SLX4IP: variants seen among roughly 807,000 people sequenced by gnomAD.
SLX4IP encodes SLX4 interacting protein, also known as protein SLX4IP.
Under a neutral mutation model 32.9 loss-of-function variants are expected in SLX4IP, and 34 were observed. That is an observed-to-expected ratio of 1.03 (90% CI 0.79 to 1.38). SLX4IP has a LOEUF of 1.38. Ranked by LOEUF, SLX4IP falls within the 40% of genes most tolerant of loss-of-function variation. SLX4IP has a pLI of 0.00. For missense variants in SLX4IP, 444 were observed against 479.0 expected (o/e 0.93, Z 0.68); for synonymous variants, 172 against 171.7 (o/e 1.00, Z -0.01).
At chr20:10,532,170 G>C (rs540365659) in intron 2 of SLX4IP, among the ~76,000 whole-genome samples, 3 of 152,062 alleles carry the variant, frequency 2.0e-5, no homozygotes, top group Non-Finnish European at 4.4e-5. Context: ...ATCCACGGTG[G>C]TATGGGAAAA....
intron 1 of SLX4IP, among the ~76,000 whole-genome samples, chr20:10,447,339 T>G (rs2090740192): frequency 6.6e-6 from 1 of 152,230 alleles, no homozygotes; most frequent in South Asian, 2.1e-4. Context: ...TCTTTTGTTT[T>G]TTTCTTCCTT....
intron 6 of SLX4IP, chr20:10,613,205 A>C: frequency 3.6e-6 from 2 of 549,456 alleles, no homozygotes; most frequent in Non-Finnish European, 6.5e-6. Flanking sequence ...CACCCTCCCA[A>C]CTGTCACCAC....
chr20:10,519,329 C>G (rs141485488), intron 2 of SLX4IP, among the ~76,000 whole-genome samples: 71 of 152,278 alleles, frequency 4.7e-4, no homozygotes, highest in South Asian at 1.4e-3. Flanking sequence ...CATCACCCCC[C>G]CAAAAAGAAA....
intron 7 of SLX4IP, 151 bp downstream of exon 7, chr20:10,621,565 G>C (rs1568778810): frequency 4.4e-6 from 3 of 679,928 alleles, no homozygotes; most frequent in Non-Finnish European, 7.8e-6. Flanking sequence ...TGACTCTCTT[G>C]CTTTCTGGAC....
At chr20:10,519,294 A>C (rs1432929990) in intron 2 of SLX4IP, among the ~76,000 whole-genome samples, 1 of 152,172 alleles carries the variant, frequency 6.6e-6, no homozygotes, top group Non-Finnish European at 1.5e-5. Flanking sequence ...TGCAGCCATT[A>C]CTGTGATCTA....
intron 4 of SLX4IP, among the ~76,000 whole-genome samples, chr20:10,594,686 G>C (rs1160689687): frequency 6.6e-6 from 1 of 152,282 alleles, no homozygotes; most frequent in East Asian, 1.9e-4. Context: ...GGTACTACTT[G>C]AAACTAATCT....
At chr20:10,534,068 T>C (rs2066015049) in intron 2 of SLX4IP, among the ~76,000 whole-genome samples, 1 of 152,150 alleles carries the variant, frequency 6.6e-6, no homozygotes, top group African/African-American at 2.4e-5. Context: ...CAGAGTTTTG[T>C]CTCAGCCGAG....
intron 4 of SLX4IP, among the ~76,000 whole-genome samples, chr20:10,570,371 G>A (rs1428045542): frequency 6.6e-6 from 1 of 152,166 alleles, no homozygotes; most frequent in Non-Finnish European, 1.5e-5. Context: ...TCTTTCTCAT[G>A]TTGAGCCACA....
intron 2 of SLX4IP, among the ~76,000 whole-genome samples, chr20:10,546,787 G>A (rs1334496357): frequency 6.6e-6 from 1 of 152,150 alleles, no homozygotes; most frequent in East Asian, 1.9e-4. Context: ...TGCCACACCT[G>A]CTGTGTCTAT....
intron 2 of SLX4IP, among the ~76,000 whole-genome samples, chr20:10,478,121 A>G (rs1038731622): frequency 6.6e-6 from 1 of 151,094 alleles, no homozygotes; most frequent in African/African-American, 2.4e-5. Context: ...CTGGTCTTGA[A>G]CTCCTGAGCT....
intron 4 of SLX4IP, among the ~76,000 whole-genome samples, chr20:10,571,659 G>T (rs1450019883): frequency 1.3e-5 from 2 of 152,276 alleles, no homozygotes; most frequent in African/African-American, 2.4e-5. Flanking sequence ...TCACAGATAG[G>T]CTTCAGTTTC....
intron 6 of SLX4IP, among the ~76,000 whole-genome samples, chr20:10,607,739 G>A (rs1283808047): frequency 6.6e-6 from 1 of 151,732 alleles, no homozygotes; most frequent in African/African-American, 2.4e-5. Context: ...CTGTTGGTTA[G>A]TTTCTCTAGA....
intron 4 of SLX4IP, among the ~76,000 whole-genome samples, chr20:10,595,196 C>T (rs142228124): frequency 6.6e-6 from 1 of 152,016 alleles, no homozygotes; most frequent in African/African-American, 2.4e-5. Context: ...ATGCACATAC[C>T]TGCAGACGCC....
chr20:10,462,986 G>A (rs1463938769), intron 2 of SLX4IP, among the ~76,000 whole-genome samples: 1 of 152,206 alleles, frequency 6.6e-6, no homozygotes, highest in African/African-American at 2.4e-5. Context: ...TGGGGAGGCT[G>A]AGGCAGAAGA....
intron 4 of SLX4IP, among the ~76,000 whole-genome samples, chr20:10,590,422 G>A (rs921165033): frequency 4.0e-5 from 6 of 151,768 alleles, no homozygotes; most frequent in East Asian, 1.9e-4. Context: ...GTGCAGTGGC[G>A]CGATCTCGGC....
intron 4 of SLX4IP, among the ~76,000 whole-genome samples, chr20:10,591,753 T>C (rs2066712209): frequency 6.6e-6 from 1 of 152,200 alleles, no homozygotes; most frequent in African/African-American, 2.4e-5. Context: ...CCAAACACAG[T>C]TTTCATATTT....
intron 1 of SLX4IP, among the ~76,000 whole-genome samples, chr20:10,454,213 A>G (rs1017184112): frequency 6.6e-6 from 1 of 152,148 alleles, no homozygotes; most frequent in African/African-American, 2.4e-5. Context: ...AAAGATGACT[A>G]GAATCTCTGC....
rs1484166509 is a variant in SLX4IP at position 10,530,680 on chromosome 20, T to TTTA, written c.28-25550_28-25549insTAT. 2.0e-5 allele frequency among the ~76,000 whole-genome samples: 3 copies of TTTA among 152,206 alleles called. No homozygotes were observed. In the East Asian group the frequency reaches 5.8e-4, roughly 29 times the overall value. ...ATTATTTATGGCATGAGCATAGGCT[T>TTTA]TAGTATAGAGGCTGTAAGCCTTTTT... On this transcript the variant is annotated intron_variant, in intron 2 of 7. Transcript: ENST00000334534.
chr20:10,589,911 G>C (rs2066686935), intron 4 of SLX4IP, among the ~76,000 whole-genome samples: 1 of 151,038 alleles, frequency 6.6e-6, no homozygotes, highest in Admixed American at 6.6e-5. Flanking sequence ...AATACATTGA[G>C]TCTATGTTAC....
Sources: allele counts gnomAD v4.1 joint callset (sites outside exome capture counted in the v4.1 genomes callset), GRCh38; gene constraint gnomAD v4.1.1; transcripts MANE v1.5; gene names NCBI Gene and HGNC (gene_info 2026-07-23, HGNC 2026-07-21).